Variants in MTPN observed in about 807,000 individuals in gnomAD.
The protein encoded by MTPN is granule cell differentiation protein.
Under a neutral mutation model 13.5 loss-of-function variants are expected in MTPN, and 2 were observed. The ratio of observed to expected loss-of-function variants is 0.15; its 90% CI spans 0.06 to 0.47. MTPN has a LOEUF of 0.47. Among genes scored for constraint, MTPN ranks in the 20% least tolerant of loss-of-function variants. MTPN has a pLI of 0.97. For synonymous variants in MTPN, 46 were observed against 51.7 expected, an observed-to-expected ratio of 0.89 and a Z score of 0.48; for missense variants, 79 against 137.9, an observed-to-expected ratio of 0.57 and a Z score of 2.14.
chr7:135,927,417 C>T lies in MTPN; in HGVS notation c.*2509G>A. 2 of 1,547,058 alleles carry T rather than the reference C, an allele frequency of 1.3e-6. No homozygotes were observed. The highest frequency in any genetic ancestry group is 2.4e-5 in the East Asian group (1 of 40,856). On this transcript the variant is annotated 3_prime_UTR_variant, in exon 4 of 4. Transcript: ENST00000393085. ...TAAACAGGTAAACTACCTGTTTGTA[C>T]TTGATATAGTGCATATGAAATGACT...
chr7:135,937,613 C>T (rs975179442), intron 3 of MTPN, among the ~76,000 whole-genome samples: 12 of 152,128 alleles, frequency 7.9e-5, no homozygotes, highest in African/African-American at 2.2e-4. Context: ...CCTAATACAA[C>T]GTAAACACTA....
chr7:135,966,529 T>TAA (rs1291587735), intron 1 of MTPN, among the ~76,000 whole-genome samples: 2 of 151,866 alleles, frequency 1.3e-5, no homozygotes, highest in Admixed American at 1.3e-4. Context: ...GTGTATCACT[T>TAA]TTGCGCCATC....
intron 1 of MTPN, among the ~76,000 whole-genome samples, chr7:135,954,408 AGGGC>A (rs1799409486): frequency 6.6e-6 from 1 of 152,234 alleles, no homozygotes; most frequent in African/African-American, 2.4e-5. Flanking sequence ...TTAAATAGTA[AGGGC>A]GAACTAGCAT....
At chr7:135,939,373 C>T (rs1799164855) in intron 3 of MTPN, among the ~76,000 whole-genome samples, 1 of 152,020 alleles carries the variant, frequency 6.6e-6, no homozygotes, top group Admixed American at 6.6e-5. Context: ...CTGACACAAC[C>T]CACTTCCAAC....
chr7:135,954,786 A>T (rs143317860), intron 1 of MTPN, among the ~76,000 whole-genome samples: 1 of 152,266 alleles, frequency 6.6e-6, no homozygotes, highest in African/African-American at 2.4e-5. Context: ...ACTAAAAAAC[A>T]CAACAAATTA....
chr7:135,966,896 G>A (rs141047820), intron 1 of MTPN, among the ~76,000 whole-genome samples: 1,600 of 152,258 alleles, frequency 0.011, 13 homozygotes, highest in South Asian at 0.037. Context: ...GAAGCTTCAA[G>A]TGCTATGACC....
chr7:135,963,722 T>C (rs576009524), intron 1 of MTPN, among the ~76,000 whole-genome samples: 2 of 152,216 alleles, frequency 1.3e-5, no homozygotes, highest in South Asian at 4.1e-4. Context: ...AAATAATGAA[T>C]AACAATACAT....
At chr7:135,944,193 A>T (rs6974136) in intron 3 of MTPN, among the ~76,000 whole-genome samples, 45,262 of 151,914 alleles carry the variant, frequency 0.3, 6,981 homozygotes, top group African/African-American at 0.31. Context: ...GAAGTAAATA[A>T]TTAGGATATT....
chr7:135,970,327 A>T (rs1799673586), intron 1 of MTPN, among the ~76,000 whole-genome samples: 1 of 152,202 alleles, frequency 6.6e-6, no homozygotes, highest in East Asian at 1.9e-4. Flanking sequence ...GTTCACAGGC[A>T]TTGGGGAGGG....
intron 3 of MTPN, among the ~76,000 whole-genome samples, chr7:135,940,316 T>A (rs73722919): frequency 0.01 from 1,578 of 152,334 alleles, 24 homozygotes; most frequent in African/African-American, 0.036. Context: ...TATACATACT[T>A]TGCAATTTTA....
chr7:135,962,240 AATTAG>A (rs1232236099), intron 1 of MTPN, among the ~76,000 whole-genome samples: 2 of 151,948 alleles, frequency 1.3e-5, no homozygotes, highest in East Asian at 1.9e-4. Flanking sequence ...TAATGCAATT[AATTAG>A]ATTAGATTAA....
At position 135,928,809 on chromosome 7, in the gene MTPN, G is replaced by T. The variant is rs911116342; in HGVS notation, c.*1117C>A. The T allele has an allele frequency of 6.0e-6, 1 of 167,036 alleles. No individual in the cohort carries two copies. Among genetic ancestry groups the T allele is most frequent in the Admixed American group, 6.5e-5 (1 of 15,278 alleles). 10.3% of individuals were successfully genotyped at this position (167,036 alleles called of 1,614,324 possible). A position where few individuals can be genotyped will look rare whatever the true frequency, so the allele number is the denominator to read the frequency against. On this transcript the variant is annotated 3_prime_UTR_variant, in exon 4 of 4. Transcript: ENST00000393085. ...CAACAAAAATATATTATGCAGGTGG[G>T]TTGGCATATGTTCAGCAGAAGCCTA...
intron 1 of MTPN, among the ~76,000 whole-genome samples, chr7:135,972,854 C>T (rs182880832): frequency 6.6e-6 from 1 of 150,914 alleles, no homozygotes; most frequent in Non-Finnish European, 1.5e-5. Flanking sequence ...TGATACTTAC[C>T]CTAGGAGGGT....
rs71531882 is a variant in MTPN, at chr7:135,972,223, ACGCGCG to A, written c.72+4800_72+4805del. ...TATAAATACACACGCGCACACGCGCACGCGCGCGCACACACACACACACACACACAC... is the reference window on the plus strand; with the variant it reads ...TATAAATACACACGCGCACACGCGCACGCACACACACACACACACACACAC... On this transcript the variant is annotated intron_variant, in intron 1 of 3. Coordinates refer to ENST00000393085, the MANE Select transcript of MTPN (RefSeq NM_145808.4). Among the ~76,000 whole-genome samples the A allele has an allele frequency of 4.0e-3, 521 of 131,846 alleles. 7 individuals carry two copies. Among genetic ancestry groups the A allele is most frequent in the African/African-American group, 0.012 (412 of 34,166 alleles). The allele number at this position is 131,846 out of a possible 152,430, so 86.5% of individuals were successfully genotyped here.
rs779296906 is a variant in MTPN, at chr7:135,972,231, G to GCGCGCACACACA, written c.72+4797_72+4798insTGTGTGTGCGCG. 4.0e-3 allele frequency among the ~76,000 whole-genome samples: 502 copies of GCGCGCACACACA among 124,692 alleles called. 1 individual carries two copies. Among genetic ancestry groups the GCGCGCACACACA allele is most frequent in the Middle Eastern group, 0.019 (5 of 260 alleles). The allele number at this position is 124,692 out of a possible 152,430, so 81.8% of individuals were successfully genotyped here. On this transcript the variant is annotated intron_variant, in intron 1 of 3. Transcript: ENST00000393085. ...CACACGCGCACACGCGCACGCGCGC[G>GCGCGCACACACA]CACACACACACACACACACACACAC... is the stretch of plus-strand genomic sequence containing the variant.
chr7:135,976,311 C>T (rs1402966616), intron 1 of MTPN, among the ~76,000 whole-genome samples: 1 of 152,194 alleles, frequency 6.6e-6, no homozygotes, highest in Admixed American at 6.5e-5. Context: ...CACATGTAAG[C>T]ATTTCAGGTG....
chr7:135,944,359 A>G (rs1429060084), intron 3 of MTPN, among the ~76,000 whole-genome samples: 1 of 152,120 alleles, frequency 6.6e-6, no homozygotes, highest in Non-Finnish European at 1.5e-5. Flanking sequence ...TCAATATTAT[A>G]TGTATTATGT....
chr7:135,954,348 ATAAT>A (rs1373905732), intron 1 of MTPN, among the ~76,000 whole-genome samples: 1 of 152,240 alleles, frequency 6.6e-6, no homozygotes, highest in African/African-American at 2.4e-5. Flanking sequence ...TGAAATATGA[ATAAT>A]TAAAGATATT....
At chr7:135,967,393 G>A (rs1353503404) in intron 1 of MTPN, among the ~76,000 whole-genome samples, 2 of 152,116 alleles carry the variant, frequency 1.3e-5, no homozygotes, top group Admixed American at 1.3e-4. Context: ...AGCAGATGTT[G>A]TGGGACAAAA....
Sources: gnomAD v4.1 joint callset for allele counts (sites outside exome capture counted in the v4.1 genomes callset) on GRCh38, gnomAD v4.1.1 for gene constraint, MANE v1.5 for transcripts, NCBI Gene and HGNC (gene_info 2026-07-23, HGNC 2026-07-21) for gene names.